KALRN: variants seen among roughly 807,000 people sequenced by gnomAD.
KALRN encodes the protein kalirin RhoGEF kinase.
Under a neutral mutation model 353.7 loss-of-function variants are expected in KALRN, and 70 were observed. That is an observed-to-expected ratio of 0.20 (90% CI 0.16 to 0.24). The LOEUF (loss-of-function observed/expected upper bound fraction) is 0.24. Ranked by LOEUF, KALRN falls within the 10% of genes least tolerant of loss-of-function variation. The probability of loss-of-function intolerance (pLI) is 1.00; values close to 1 mark genes in which losing one functional copy is unlikely to be tolerated. For synonymous variants in KALRN, 1,391 were observed against 1,434.8 expected, an observed-to-expected ratio of 0.97 and a Z score of 0.69; for missense variants, 2,791 against 3,756.7, an observed-to-expected ratio of 0.74 and a Z score of 6.72.
At chr3:124,237,555 G>A (rs1289614648) in intron 3 of KALRN, among the ~76,000 whole-genome samples, 2 of 152,006 alleles carry the variant, frequency 1.3e-5, no homozygotes, top group Admixed American at 6.6e-5. Context: ...TAGAGATGGG[G>A]TTTCACTGTG....
At chr3:124,291,547 C>T (rs2076421827) in intron 5 of KALRN, among the ~76,000 whole-genome samples, 1 of 152,140 alleles carries the variant, frequency 6.6e-6, no homozygotes, top group Non-Finnish European at 1.5e-5. Flanking sequence ...TTGGCTGTTT[C>T]ACAGAGAAAT....
At chr3:124,441,860 G>T in intron 18 of KALRN, 85 bp from the exon 19 acceptor site, 1 of 749,122 alleles carries the variant, frequency 1.3e-6, no homozygotes, top group Non-Finnish European at 2.1e-6. Context: ...AAGAAAATAT[G>T]GAAGGAAGGA....
chr3:124,493,168 A>T (rs2063351984), intron 32 of KALRN, among the ~76,000 whole-genome samples: 1 of 152,258 alleles, frequency 6.6e-6, no homozygotes, highest in African/African-American at 2.4e-5. Flanking sequence ...TCTAATAGTC[A>T]TGTCTGACAC....
At chr3:124,516,451 T>C (rs772233700) in intron 33 of KALRN, among the ~76,000 whole-genome samples, 15 of 152,164 alleles carry the variant, frequency 9.9e-5, no homozygotes, top group Admixed American at 1.3e-4. Flanking sequence ...CTCAGCACCT[T>C]GTCAGACATG....
At chr3:124,695,828 A>T (rs1010750760) in intron 53 of KALRN, among the ~76,000 whole-genome samples, 1 of 152,158 alleles carries the variant, frequency 6.6e-6, no homozygotes, top group Non-Finnish European at 1.5e-5. Flanking sequence ...TAATAATACT[A>T]TGAGCCAGAA....
At chr3:124,186,289 T>A (rs1401795336) in intron 1 of KALRN, among the ~76,000 whole-genome samples, 1 of 152,090 alleles carries the variant, frequency 6.6e-6, no homozygotes, top group Non-Finnish European at 1.5e-5. Flanking sequence ...TTTACCCCAG[T>A]GGTTAGGTAC....
chr3:124,126,553 T>C (rs1448349476), intron 1 of KALRN, among the ~76,000 whole-genome samples: 1 of 152,228 alleles, frequency 6.6e-6, no homozygotes, highest in Admixed American at 6.5e-5. Flanking sequence ...TCCAAGATGG[T>C]GGACATAGAT....
intron 1 of KALRN, among the ~76,000 whole-genome samples, chr3:124,047,300 T>G (rs1045027297): frequency 3.3e-5 from 5 of 152,300 alleles, no homozygotes; most frequent in African/African-American, 9.6e-5. Context: ...TCTTTGTCCC[T>G]GAAAAGTTTA....
chr3:124,637,019 C>T (rs562075003), intron 36 of KALRN, 189 bp from the exon 37 acceptor site: 1 of 589,026 alleles, frequency 1.7e-6, no homozygotes, highest in African/African-American at 1.9e-5. Flanking sequence ...GCTAGAATTC[C>T]TAATAAGGGG....
intron 10 of KALRN, among the ~76,000 whole-genome samples, chr3:124,365,075 T>G (rs1334083615): frequency 6.6e-6 from 1 of 152,242 alleles, no homozygotes; most frequent in African/African-American, 2.4e-5. Context: ...TTTGTGCTAC[T>G]GTCACCCTTC....
At chr3:124,285,741 G>A (rs918872513) in intron 5 of KALRN, among the ~76,000 whole-genome samples, 8 of 152,106 alleles carry the variant, frequency 5.3e-5, no homozygotes, top group Middle Eastern at 3.4e-3. Context: ...TTGCCATGTC[G>A]GCCAGGCTGG....
chr3:124,603,400 C>T (rs891995946), intron 34 of KALRN, among the ~76,000 whole-genome samples: 6 of 152,176 alleles, frequency 3.9e-5, no homozygotes, highest in African/African-American at 4.8e-5. Flanking sequence ...TGGCAACACT[C>T]CTGAATCCTT....
At chr3:124,607,481 ATCT>A (rs982148879) in intron 34 of KALRN, among the ~76,000 whole-genome samples, 1 of 152,168 alleles carries the variant, frequency 6.6e-6, no homozygotes, top group African/African-American at 2.4e-5. Flanking sequence ...TTACCCTATA[ATCT>A]TCTAAAGTAT....
intron 5 of KALRN, among the ~76,000 whole-genome samples, chr3:124,283,373 C>CAAGTCTACATTTTGGGAGGT (rs2075537683): frequency 1.3e-5 from 2 of 152,358 alleles, no homozygotes; most frequent in Admixed American, 1.3e-4. Flanking sequence ...TTGACCTCTT[C>CAAGTCTACATTTTGGGAGGT]AAGTCTACAT....
intron 1 of KALRN, among the ~76,000 whole-genome samples, chr3:124,222,335 C>A (rs898011185): frequency 6.6e-6 from 1 of 152,084 alleles, no homozygotes. Flanking sequence ...CTTTTTTATT[C>A]CAAAGCTGAA....
intron 6 of KALRN, 93 bp downstream of exon 6, chr3:124,299,006 A>G (rs2077060382): frequency 2.7e-6 from 4 of 1,507,476 alleles, no homozygotes; most frequent in Non-Finnish European, 3.7e-6. Flanking sequence ...CCACCCGAGG[A>G]AGAACTGTGA....
intron 27 of KALRN, among the ~76,000 whole-genome samples, chr3:124,480,580 A>G (rs1265332795): frequency 2.6e-5 from 4 of 152,204 alleles, no homozygotes. Context: ...TCCCATTTAA[A>G]GTATGAATTC....
chr3:124,105,792 A>G (rs1404485786), intron 1 of KALRN, among the ~76,000 whole-genome samples: 1 of 152,196 alleles, frequency 6.6e-6, no homozygotes, highest in African/African-American at 2.4e-5. Context: ...AAAGGTAAAA[A>G]TAGAATGGTG....
chr3:124,413,417 C>T, intron 13 of KALRN, 53 bp from the exon 14 acceptor site: 1 of 1,475,378 alleles, frequency 6.8e-7, no homozygotes, highest in Non-Finnish European at 9.3e-7. Context: ...CTTAACCTAA[C>T]AATCTCTCGT....
Sources: allele counts gnomAD v4.1 joint callset (sites outside exome capture counted in the v4.1 genomes callset), GRCh38; gene constraint gnomAD v4.1.1; transcripts MANE v1.5; gene names NCBI Gene and HGNC (gene_info 2026-07-23, HGNC 2026-07-21).